The following DNAH10 variants were observed in gnomAD, a reference collection of about 807,000 sequenced individuals.
DNAH10 encodes the protein axonemal beta dynein heavy chain 10.
Under a neutral mutation model 506.6 loss-of-function variants are expected in DNAH10, and 348 were observed. The observed-to-expected ratio is 0.69, with a 90% CI of 0.63 to 0.75. The LOEUF is 0.75. Ranked by LOEUF, DNAH10 falls within the 30% of genes least tolerant of loss-of-function variation. DNAH10 has a pLI of 0.00. For missense variants in DNAH10, 5,179 were observed against 5,787.1 expected, an observed-to-expected ratio of 0.89 and a Z score of 3.41; for synonymous variants, 2,059 against 2,198.6, an observed-to-expected ratio of 0.94 and a Z score of 1.78.
rs1265077282 is a variant in DNAH10 at position 123,787,740 on chromosome 12, G to A, written c.1422-64G>A. The stretch of plus-strand genomic sequence containing the variant: ...TTCACGGGACACTGGCTCCCCAGCC[G>A]GGGAGTGCGGCTCGGACCCGGAGCT... On this transcript the variant is annotated intron_variant, in intron 9 of 78. Transcript: ENST00000673944. The surrounding 1 kb of genome is among the most constrained non-coding windows in gnomAD (Gnocchi z 4.6). 21 of 1,562,566 alleles carry A rather than the reference G, an allele frequency of 1.3e-5. No individual in the cohort carries two copies. The South Asian group carries it at 1.6e-4, about 12-fold the overall frequency.
At chr12:123,817,094 TCTAA>T (rs1207721347) in intron 21 of DNAH10, among the ~76,000 whole-genome samples, 4 of 149,678 alleles carry the variant, frequency 2.7e-5, no homozygotes, top group African/African-American at 2.5e-5. Context: ...GGTAGTCCAG[TCTAA>T]CTTTTTTTTT....
At chr12:123,811,666 A>C (rs892103324) in intron 19 of DNAH10, among the ~76,000 whole-genome samples, 9 of 151,826 alleles carry the variant, frequency 5.9e-5, no homozygotes, top group South Asian at 2.1e-4. Context: ...ACGCCTGGCT[A>C]ATTCTTTGTA....
chr12:123,826,043 G>C (rs1037518354), intron 24 of DNAH10, among the ~76,000 whole-genome samples: 1 of 152,082 alleles, frequency 6.6e-6, no homozygotes, highest in African/African-American at 2.4e-5. Flanking sequence ...AGGATCACTT[G>C]AGGCCAGGAG....
intron 25 of DNAH10, among the ~76,000 whole-genome samples, chr12:123,827,339 T>C (rs1960095217): frequency 6.6e-6 from 1 of 152,232 alleles, no homozygotes; most frequent in Non-Finnish European, 1.5e-5. Context: ...CAACATGTAA[T>C]CAACATGAAA....
At chr12:123,795,667 AT>A (rs536602170) in intron 12 of DNAH10, among the ~76,000 whole-genome samples, 72 of 152,262 alleles carry the variant, frequency 4.7e-4, no homozygotes, top group African/African-American at 1.5e-3. Flanking sequence ...TGCAACCATA[AT>A]TCCCCTTTGT....
At position 123,772,842 on chromosome 12, in the gene DNAH10, G is replaced by A. The variant is rs570616014; in HGVS notation, c.405G>A (p.Ala135=). 159 of 1,604,012 alleles carry A rather than the reference G, an allele frequency of 9.9e-5. No homozygotes were observed. Among genetic ancestry groups the A allele is most frequent in the East Asian group, 4.7e-4 (21 of 44,726 alleles). The change falls in exon 4 of 79, where the codon GCG becomes GCA. Residue 135 remains alanine, a synonymous_variant. Coordinates refer to ENST00000673944, the MANE Select transcript of DNAH10 (RefSeq NM_001372106.1). ...ISEKLPSKRT[A]KHIMEKMHLH... ...TGTTCCCCATGTTTCAGAGAACTGC[G>A]AAGCACATCATGGAAAAGATGCATC...
At chr12:123,890,231 A>G (rs1360908026) in intron 52 of DNAH10, among the ~76,000 whole-genome samples, 1 of 152,116 alleles carries the variant, frequency 6.6e-6, no homozygotes, top group Non-Finnish European at 1.5e-5. Flanking sequence ...CAGTGCAATG[A>G]CGTAGTCCAG....
chr12:123,801,335 G>A lies in DNAH10; in HGVS notation c.2517G>A (p.Thr839=), dbSNP rs780406596. ...MLDHYHMLIG[T]LNDAESVLLK... is the part of the protein sequence containing the mutation. The stretch of plus-strand genomic sequence containing the variant: ...ATCATTATCACATGCTCATAGGAAC[G>A]TTAAACGATGCGGAGTCTGTGCTTC... Residue 839 remains threonine (T), a synonymous_variant, in exon 16 of 79, where the codon ACG becomes ACA. Transcript: ENST00000673944. 61 of 1,614,070 alleles carry A rather than the reference G, an allele frequency of 3.8e-5. No homozygotes were observed. The highest frequency in any genetic ancestry group is 4.6e-5 in the Non-Finnish European group (54 of 1,180,040).
intron 64 of DNAH10, 44 bp from the exon 65 acceptor site, chr12:123,918,632 A>G: frequency 6.5e-7 from 1 of 1,527,980 alleles, no homozygotes; most frequent in Non-Finnish European, 8.8e-7. Flanking sequence ...CTCTGCCCAC[A>G]TCTCAGTCTT....
At chr12:123,896,390 A>G (rs1340551186) in intron 54 of DNAH10, among the ~76,000 whole-genome samples, 3 of 152,178 alleles carry the variant, frequency 2.0e-5, no homozygotes, top group African/African-American at 7.2e-5. Context: ...AATATGAGAC[A>G]TTCTCTGCTT....
intron 30 of DNAH10, among the ~76,000 whole-genome samples, chr12:123,843,276 T>A (rs1369921472): frequency 1.3e-5 from 2 of 152,208 alleles, no homozygotes; most frequent in Non-Finnish European, 2.9e-5. Flanking sequence ...CACTGAGAAG[T>A]TAGGGCCAGC....
Position 123,826,602 on chromosome 12 carries a change from C to T in DNAH10, c.4180-85C>T, listed in dbSNP as rs1960016679. On this transcript the variant is annotated intron_variant, in intron 24 of 78. Coordinates refer to ENST00000673944, the MANE Select transcript of DNAH10 (RefSeq NM_001372106.1). Reference sequence around the variant, plus strand: ...TGGGTAATACTTTAAAATATCTGAACGTGACTAAGAGTCAAGAACTTGCTC... The same window carrying T: ...TGGGTAATACTTTAAAATATCTGAATGTGACTAAGAGTCAAGAACTTGCTC... 1.6e-5 allele frequency: 20 copies of T among 1,223,074 alleles called. No individual in the cohort carries two copies. In the South Asian group the frequency reaches 2.1e-4, roughly 13 times the overall value. The allele number at this position is 1,223,074 out of a possible 1,614,324, so 75.8% of individuals were successfully genotyped here. A position where few individuals can be genotyped will look rare whatever the true frequency, so the allele number is the denominator to read the frequency against.
Position 123,782,436 on chromosome 12 carries a change from G to T in DNAH10, c.842-671G>T, listed in dbSNP as rs1225511144. ...CTTTTTTTTTTTTTTTTTTGACAAG[G>T]TCTCACTCTGCCGCCCAGGCTGGAG... On this transcript the variant is annotated intron_variant, in intron 6 of 78. Transcript: ENST00000673944. Among the ~76,000 whole-genome samples, 366 of 127,616 alleles carry T rather than the reference G, an allele frequency of 2.9e-3. 2 individuals are homozygous for T. The highest frequency in any genetic ancestry group is 0.01 in the African/African-American group (329 of 32,428). 83.7% of individuals were successfully genotyped at this position (127,616 alleles called of 152,430 possible).
chr12:123,835,624 G>C, intron 28 of DNAH10, 96 bp downstream of exon 28: 1 of 1,470,234 alleles, frequency 6.8e-7, no homozygotes, highest in Admixed American at 2.3e-5. Flanking sequence ...TCCATTAGTA[G>C]CTTCTCTCTC....
chr12:123,855,925 A>AATT (rs1436456045), intron 36 of DNAH10, among the ~76,000 whole-genome samples: 1 of 149,468 alleles, frequency 6.7e-6, no homozygotes, highest in Non-Finnish European at 1.5e-5. Context: ...ATTTATATAC[A>AATT]ATTTTGTATT....
At chr12:123,763,900 C>G (rs1330819374) in intron 1 of DNAH10, among the ~76,000 whole-genome samples, 1 of 135,916 alleles carries the variant, frequency 7.4e-6, no homozygotes, top group Non-Finnish European at 1.6e-5. Flanking sequence ...GAGTCTAGCT[C>G]TGTCGCCAAG....
chr12:123,767,258 CTTAACCATT>C lies in DNAH10; in HGVS notation c.215-345_215-337del, dbSNP rs1434273628. 2.6e-5 allele frequency among the ~76,000 whole-genome samples: 4 copies of C among 152,302 alleles called. No individual in the cohort carries two copies. The South Asian group carries it at 6.2e-4, about 24-fold the overall frequency. On this transcript the variant is annotated intron_variant, in intron 1 of 78. Transcript: ENST00000673944. ...CATACACACGGCCTGCAATTTACAT[CTTAACCATT>C]TTGAAATGTACAGTTTAGGGTGTTA...
In DNAH10 at chr12:123,813,932, C is replaced by A; in HGVS notation, c.3780+20C>A. 6.4e-7 allele frequency: 1 copy of A among 1,560,980 alleles called. No individual in the cohort carries two copies. The highest frequency in any genetic ancestry group is 1.2e-5 in the South Asian group (1 of 81,420). ...CTCTTTGTAAGTCAACTTGTATTTT[C>A]TTATTCATTTAACAATTGGATTGAC... On this transcript the variant is annotated intron_variant, in intron 21 of 78. Transcript: ENST00000673944.
intron 27 of DNAH10, 72 bp downstream of exon 27, chr12:123,833,419 G>A: frequency 4.9e-6 from 6 of 1,218,894 alleles, no homozygotes; most frequent in Non-Finnish European, 7.0e-6. Flanking sequence ...AGGATATTTT[G>A]TGCTTAGAAC....
Sources: gnomAD v4.1 joint callset for allele counts (sites outside exome capture counted in the v4.1 genomes callset) on GRCh38, gnomAD v4.1.1 for gene constraint, Gnocchi (gnomAD v3.1) non-coding constraint, MANE v1.5 for transcripts, NCBI Gene and HGNC (gene_info 2026-07-23, HGNC 2026-07-21) for gene names.